STAG1: variants seen among roughly 807,000 people sequenced by gnomAD.
STAG1 encodes STAG1 cohesin complex component, also known as cohesin subunit SA-1.
A neutral mutation model predicts 170.9 loss-of-function variants in STAG1; 26 were observed. The observed-to-expected ratio is 0.15, with a 90% confidence interval of 0.11 to 0.21. The LOEUF is 0.21. Ranked by LOEUF, STAG1 falls within the 10% of genes least tolerant of loss-of-function variation. The probability of loss-of-function intolerance (pLI) is 1.00; values close to 1 mark genes in which losing one functional copy is unlikely to be tolerated. For synonymous variants in STAG1, 514 were observed against 497.7 expected, an observed-to-expected ratio of 1.03 and a Z score of -0.44; for missense variants, 964 against 1,509.5, an observed-to-expected ratio of 0.64 and a Z score of 5.99.
chr3:136,386,023 CA>C (rs1199471520), intron 22 of STAG1, among the ~76,000 whole-genome samples: 2 of 152,120 alleles, frequency 1.3e-5, no homozygotes, highest in African/African-American at 2.4e-5. Context: ...CCTCTTTCAA[CA>C]AATTAAGTTG....
intron 1 of STAG1, among the ~76,000 whole-genome samples, chr3:136,670,897 G>A (rs930751580): frequency 2.6e-5 from 4 of 152,114 alleles, no homozygotes; most frequent in Non-Finnish European, 5.9e-5. Context: ...GATGTTGGTG[G>A]AATTTTGTTT....
intron 1 of STAG1, among the ~76,000 whole-genome samples, chr3:136,699,572 G>T (rs1942989214): frequency 6.6e-6 from 1 of 150,594 alleles, no homozygotes; most frequent in South Asian, 2.1e-4. Context: ...TTTTATGGTA[G>T]ATGGGGTTTC....
chr3:136,727,887 G>A (rs959358865), intron 1 of STAG1, among the ~76,000 whole-genome samples: 7 of 152,160 alleles, frequency 4.6e-5, no homozygotes, highest in African/African-American at 1.7e-4. Flanking sequence ...GCCGGGAGCG[G>A]TGGCTCATGC....
rs117470996 is a variant in STAG1, at chr3:136,530,840, G to A, written c.472-9423C>T. On this transcript the variant is annotated intron_variant, in intron 6 of 33. Transcript: ENST00000383202. Reference sequence around the variant, plus strand: ...AAGGTTTCAGGCCAGGCACAGCAGCGCACACCTGTAATCTCAGCACTTTGG... The same window carrying A: ...AAGGTTTCAGGCCAGGCACAGCAGCACACACCTGTAATCTCAGCACTTTGG... Among the ~76,000 whole-genome samples the A allele has an allele frequency of 4.2e-3, 641 of 152,206 alleles. 9 individuals carry two copies. In the East Asian group the frequency reaches 0.047, roughly 11 times the overall value.
chr3:136,382,464 G>A (rs539893065), intron 22 of STAG1, among the ~76,000 whole-genome samples: 21 of 150,062 alleles, frequency 1.4e-4, no homozygotes, highest in South Asian at 1.3e-3. Flanking sequence ...GTGCAGTGGC[G>A]CTATCTCGGC....
chr3:136,581,760 A>T (rs2107779812), intron 4 of STAG1, among the ~76,000 whole-genome samples: 1 of 152,308 alleles, frequency 6.6e-6, no homozygotes, highest in African/African-American at 2.4e-5. Context: ...ATCAAAATGG[A>T]AATGAAAAAA....
chr3:136,589,440 G>C (rs1263108862), intron 4 of STAG1, among the ~76,000 whole-genome samples: 1 of 151,984 alleles, frequency 6.6e-6, no homozygotes, highest in African/African-American at 2.4e-5. Flanking sequence ...GGAGGCAGAG[G>C]TTGCAGTGAG....
chr3:136,537,138 TTTTCTGTTTACC>T (rs1338003568), intron 6 of STAG1, among the ~76,000 whole-genome samples: 6 of 152,208 alleles, frequency 3.9e-5, no homozygotes, highest in African/African-American at 1.4e-4. Context: ...TTCTTTAACA[TTTTCTGTTTACC>T]TTTCTCATCT....
intron 6 of STAG1, among the ~76,000 whole-genome samples, chr3:136,523,487 T>C (rs1057193263): frequency 3.3e-5 from 5 of 151,742 alleles, no homozygotes; most frequent in African/African-American, 1.2e-4. Context: ...GATGAGTAGA[T>C]TGCAAAAATC....
chr3:136,536,017 A>C (rs1055703195), intron 6 of STAG1, among the ~76,000 whole-genome samples: 1 of 152,176 alleles, frequency 6.6e-6, no homozygotes, highest in Non-Finnish European at 1.5e-5. Flanking sequence ...AAAGATAAAA[A>C]TTTTCAAATT....
At chr3:136,711,342 C>G (rs997877176) in intron 1 of STAG1, among the ~76,000 whole-genome samples, 1 of 152,040 alleles carries the variant, frequency 6.6e-6, no homozygotes, top group Non-Finnish European at 1.5e-5. Flanking sequence ...ACTAGCAAAT[C>G]TTTAAAAAGA....
intron 14 of STAG1, among the ~76,000 whole-genome samples, chr3:136,443,667 G>A (rs1053939939): frequency 3.9e-5 from 6 of 152,144 alleles, no homozygotes; most frequent in African/African-American, 1.2e-4. Flanking sequence ...AGGAAACAGA[G>A]CATAGCTAGT....
At chr3:136,356,749 T>A (rs539239826) in intron 28 of STAG1, among the ~76,000 whole-genome samples, 4 of 150,168 alleles carry the variant, frequency 2.7e-5, no homozygotes, top group Non-Finnish European at 5.9e-5. Context: ...AAAAAGTTTT[T>A]ATTTTATTTT....
intron 28 of STAG1, among the ~76,000 whole-genome samples, chr3:136,350,832 T>C (rs1936407234): frequency 2.0e-5 from 3 of 152,072 alleles, no homozygotes; most frequent in South Asian, 4.1e-4. Flanking sequence ...GAGATCCTGA[T>C]GGAGTGAAAA....
At chr3:136,669,952 G>T (rs538059938) in intron 1 of STAG1, among the ~76,000 whole-genome samples, 2 of 152,088 alleles carry the variant, frequency 1.3e-5, no homozygotes, top group Non-Finnish European at 2.9e-5. Context: ...CTACTAATTG[G>T]TAACACACAA....
chr3:136,464,423 C>CA (rs1233761875), intron 13 of STAG1, among the ~76,000 whole-genome samples: 144 of 124,756 alleles, frequency 1.2e-3, no homozygotes, highest in Non-Finnish European at 1.0e-3. Flanking sequence ...AACTCCGTCT[C>CA]AAAAAAAAAC....
At chr3:136,535,935 A>T (rs1234736769) in intron 6 of STAG1, among the ~76,000 whole-genome samples, 1 of 152,232 alleles carries the variant, frequency 6.6e-6, no homozygotes, top group Admixed American at 6.5e-5. Context: ...ACATCTTAAT[A>T]ATAATTAACA....
chr3:136,611,908 C>T (rs1282538061), intron 3 of STAG1, among the ~76,000 whole-genome samples: 4 of 151,750 alleles, frequency 2.6e-5, no homozygotes, highest in East Asian at 3.9e-4. Context: ...AGTGCAGTGG[C>T]GCGATCTCGG....
Position 136,433,616 on chromosome 3 carries a change from A to G in STAG1, c.1590T>C (p.Val530=), listed in dbSNP as rs1489339886. 6.2e-7 allele frequency: 1 copy of G among 1,605,810 alleles called. No homozygotes were observed. The highest frequency in any genetic ancestry group is 1.3e-5 in the African/African-American group (1 of 74,170). Residue 530 remains valine (V), a synonymous_variant, in exon 16 of 34, where the codon GTT becomes GTC. Transcript: ENST00000383202. ...RQESALIELM[V]CTIRQAAEAH... is the part of the protein sequence containing the mutation. ...CCTCAGCAGCTTGACGAATTGTACA[A>G]ACCATTAGCTCTATAAGAGCACTCT...
Sources: gnomAD v4.1 joint callset for allele counts (sites outside exome capture counted in the v4.1 genomes callset) on GRCh38, gnomAD v4.1.1 for gene constraint, MANE v1.5 for transcripts, NCBI Gene and HGNC (gene_info 2026-07-23, HGNC 2026-07-21) for gene names.